USP14: variants seen among roughly 807,000 people sequenced by gnomAD.
The protein encoded by USP14 is ubiquitin carboxyl-terminal hydrolase 14.
Under a neutral mutation model 76.5 loss-of-function variants are expected in USP14, and 38 were observed. The observed-to-expected ratio is 0.50, with a 90% CI of 0.38 to 0.65. The LOEUF (loss-of-function observed/expected upper bound fraction) is 0.65. USP14 is among the 30% of genes least tolerant of loss of function. The pLI, the probability that USP14 is intolerant of heterozygous loss-of-function variation, is 0.00. For missense variants in USP14, 467 were observed against 586.5 expected (o/e 0.80, Z 2.10); for synonymous variants, 192 against 191.7 (o/e 1.00, Z -0.01).
At chr18:180,390 G>A (rs1176734013) in intron 5 of USP14, 51 bp downstream of exon 5, 16 of 1,121,534 alleles carry the variant, frequency 1.4e-5, no homozygotes, top group African/African-American at 1.3e-4. Context: ...TGGATGAGTA[G>A]TATTGTTTTG....
rs577350103 is a variant in USP14 at position 176,781 on chromosome 18, TTTAA to T, written c.196-2145_196-2142del. ...ATATTAATTTTTTTACATTTAAATCTTTAATTAATTGTTGTTGTGGTATGGTATG... is the reference window on the plus strand; with the variant it reads ...ATATTAATTTTTTTACATTTAAATCTTTAATTGTTGTTGTGGTATGGTATG... On this transcript the variant is annotated intron_variant, in intron 3 of 15. Coordinates refer to ENST00000261601, the MANE Select transcript of USP14 (RefSeq NM_005151.4). Among the ~76,000 whole-genome samples the T allele has an allele frequency of 1.4e-3, 209 of 152,100 alleles. 1 individual carries two copies. The highest frequency in any genetic ancestry group is 3.7e-3 in the East Asian group (19 of 5,188).
chr18:206,936 C>A (rs1247315693), intron 13 of USP14, among the ~76,000 whole-genome samples: 1 of 152,100 alleles, frequency 6.6e-6, no homozygotes, highest in Non-Finnish European at 1.5e-5. Context: ...TCTGAGAGTT[C>A]TGTGGTTTTA....
In USP14 at chr18:166,785, A is replaced by T. The variant is rs767300860; in HGVS notation, c.163-2A>T. ...AATGTCTTTTGTTTGTCTTTGAAAC[A>T]GGATGATGATTGGGGAAACATCAAA... is the stretch of plus-strand genomic sequence containing the variant. On this transcript the variant is annotated splice_acceptor_variant, in intron 2 of 15. Transcript: ENST00000261601. LOFTEE classifies it high-confidence loss of function. The T allele has an allele frequency of 1.9e-6, 3 of 1,612,106 alleles. No individual in the cohort carries two copies. In the Admixed American group the frequency reaches 5.0e-5, roughly 27 times the overall value.
chr18:168,205 C>T (rs374617554), intron 3 of USP14, among the ~76,000 whole-genome samples: 3 of 152,012 alleles, frequency 2.0e-5, no homozygotes, highest in South Asian at 2.1e-4. Context: ...GGATTACAGG[C>T]GTGAGCCACC....
intron 15 of USP14, 92 bp downstream of exon 15, chr18:210,585 C>T: frequency 1.2e-6 from 1 of 827,148 alleles, no homozygotes; most frequent in Non-Finnish European, 1.8e-6. Context: ...AACTTTGGGT[C>T]TCAGAACCAC....
chr18:195,779 A>G (rs1474296178), intron 6 of USP14, among the ~76,000 whole-genome samples: 2 of 152,208 alleles, frequency 1.3e-5, no homozygotes, highest in Non-Finnish European at 2.9e-5. Flanking sequence ...TGATCTTGGC[A>G]GAGTAGCAGA....
At chr18:171,025 A>AAAAAATATATATATATATAT (rs1327304974) in intron 3 of USP14, among the ~76,000 whole-genome samples, 9 of 47,642 alleles carry the variant, frequency 1.9e-4, no homozygotes, top group African/African-American at 3.5e-4. Flanking sequence ...AAAAAAAAAA[A>AAAAAATATATATATATATAT]ATATATATAT....
chr18:176,093 T>G (rs1286042483), intron 3 of USP14, among the ~76,000 whole-genome samples: 2 of 152,148 alleles, frequency 1.3e-5, no homozygotes, highest in South Asian at 4.1e-4. Context: ...TATTGGCAAA[T>G]TATGATTTGT....
chr18:159,434 T>A (rs1169302446), intron 1 of USP14, among the ~76,000 whole-genome samples: 1 of 152,184 alleles, frequency 6.6e-6, no homozygotes, highest in Non-Finnish European at 1.5e-5. Flanking sequence ...CAGGGATCAC[T>A]TTTACTTAGG....
rs1484689431 is a variant in USP14 at position 163,310 on chromosome 18, A to T, written c.19A>T (p.Thr7Ser). MPLYSV[T>S]VKWGKEKFEG... is the part of the protein sequence containing the mutation. ...AAAAATTGTGATTTTGTTTGCAGTT[A>T]CTGTAAAATGGGGAAAGGAGAAATT... is the stretch of plus-strand genomic sequence containing the variant. The change falls in exon 2 of 16, where the codon ACT becomes TCT. Residue 7 changes from threonine to serine, a missense_variant and splice_region_variant. Coordinates refer to ENST00000261601, the MANE Select transcript of USP14 (RefSeq NM_005151.4). The T allele has an allele frequency of 6.2e-7, 1 of 1,602,180 alleles. No individual in the cohort carries two copies. Among genetic ancestry groups the T allele is most frequent in the Admixed American group, 1.7e-5 (1 of 57,416 alleles).
rs562375983 is a variant in USP14 at position 210,915 on chromosome 18, GCAAGCAGT to G, written c.1334-217_1334-210del. 4.6e-4 allele frequency among the ~76,000 whole-genome samples: 70 copies of G among 152,264 alleles called. 2 individuals carry two copies. The highest frequency in any genetic ancestry group is 4.3e-3 in the Admixed American group (65 of 15,288). On this transcript the variant is annotated intron_variant, in intron 15 of 15. Coordinates refer to ENST00000261601, the MANE Select transcript of USP14 (RefSeq NM_005151.4). ...ACTTGAGAGAATGTGGGTGGAAAAG[GCAAGCAGT>G]GCTCTAGTGGTGTCATTGAAGTAGT...
chr18:183,621 C>T (rs16948415), intron 5 of USP14, among the ~76,000 whole-genome samples: 10,297 of 152,074 alleles, frequency 0.068, 729 homozygotes, highest in East Asian at 0.33. Context: ...CTGATTCATA[C>T]GTCTACTTTG....
At chr18:169,982 A>C (rs959454180) in intron 3 of USP14, among the ~76,000 whole-genome samples, 1 of 151,976 alleles carries the variant, frequency 6.6e-6, no homozygotes, top group Non-Finnish European at 1.5e-5. Context: ...TCCCTGAGAC[A>C]AGACAGTATT....
intron 10 of USP14, among the ~76,000 whole-genome samples, chr18:202,493 CA>C (rs1028073983): frequency 6.6e-6 from 1 of 152,104 alleles, no homozygotes; most frequent in Non-Finnish European, 1.5e-5. Context: ...ACGTAAAGAA[CA>C]GGAGTTTCTT....
intron 3 of USP14, 88 bp from the exon 4 acceptor site, chr18:178,845 G>A (rs1045434398): frequency 2.2e-6 from 2 of 913,398 alleles, no homozygotes; most frequent in African/African-American, 1.7e-5. Context: ...TATGTTATAT[G>A]TGTTCTTTTG....
At chr18:163,937 A>G (rs1031372333) in intron 2 of USP14, among the ~76,000 whole-genome samples, 2 of 152,178 alleles carry the variant, frequency 1.3e-5, no homozygotes, top group African/African-American at 4.8e-5. Context: ...CACTTACAAA[A>G]GAGAACATGC....
chr18:196,162 A>G (rs1429836783), intron 6 of USP14, among the ~76,000 whole-genome samples: 3 of 151,932 alleles, frequency 2.0e-5, no homozygotes, highest in African/African-American at 4.8e-5. Flanking sequence ...CTCTACTAAA[A>G]AAAATGCAAA....
At chr18:182,075 T>C (rs946462171) in intron 5 of USP14, among the ~76,000 whole-genome samples, 1 of 152,192 alleles carries the variant, frequency 6.6e-6, no homozygotes, top group African/African-American at 2.4e-5. Context: ...CATTTATATA[T>C]ATGTCTATCC....
At chr18:175,651 T>G (rs1452626835) in intron 3 of USP14, among the ~76,000 whole-genome samples, 1 of 152,194 alleles carries the variant, frequency 6.6e-6, no homozygotes, top group Admixed American at 6.6e-5. Flanking sequence ...TCATAAGAGA[T>G]AATGGTTTGT....
Sources: allele counts gnomAD v4.1 joint callset (sites outside exome capture counted in the v4.1 genomes callset), GRCh38; gene constraint gnomAD v4.1.1; transcripts MANE v1.5; gene names NCBI Gene and HGNC (gene_info 2026-07-23, HGNC 2026-07-21).